Variants in GOLM2 observed in about 807,000 individuals in gnomAD.
The protein encoded by GOLM2 is golgi membrane protein 2, also known as protein GOLM2.
GOLM2 carries 26 observed loss-of-function variants against 55.9 expected under a neutral mutation model. The observed-to-expected ratio is 0.47, with a 90% CI of 0.34 to 0.65. The LOEUF is 0.65. Ranked by LOEUF, GOLM2 falls within the 30% of genes least tolerant of loss-of-function variation. GOLM2 has a pLI of 0.01. For synonymous variants in GOLM2, 165 were observed against 194.6 expected, an observed-to-expected ratio of 0.85 and a Z score of 1.27; for missense variants, 486 against 531.8, an observed-to-expected ratio of 0.91 and a Z score of 0.85.
intron 6 of GOLM2, among the ~76,000 whole-genome samples, chr15:44,366,189 T>C (rs1244946254): frequency 1.3e-5 from 2 of 148,956 alleles, no homozygotes; most frequent in African/African-American, 2.5e-5. Flanking sequence ...CCCAGCTACT[T>C]GGGAGACTGA....
chr15:44,310,709 A>C (rs1447344202), intron 1 of GOLM2, among the ~76,000 whole-genome samples: 1 of 151,126 alleles, frequency 6.6e-6, no homozygotes, highest in Non-Finnish European at 1.5e-5. Flanking sequence ...TGTCTCAATC[A>C]ATCAATCAGT....
chr15:44,342,756 C>T (rs904161938), intron 6 of GOLM2, among the ~76,000 whole-genome samples: 2 of 152,166 alleles, frequency 1.3e-5, no homozygotes, highest in African/African-American at 4.8e-5. Context: ...CATTTCATAT[C>T]TTTGTATCTG....
chr15:44,320,933 C>T (rs2078944185), intron 1 of GOLM2, among the ~76,000 whole-genome samples: 1 of 152,168 alleles, frequency 6.6e-6, no homozygotes, highest in Non-Finnish European at 1.5e-5. Flanking sequence ...ATACCATCTC[C>T]TCCATCTGAA....
At chr15:44,352,731 C>A (rs1250326847) in intron 6 of GOLM2, among the ~76,000 whole-genome samples, 2 of 151,952 alleles carry the variant, frequency 1.3e-5, no homozygotes, top group African/African-American at 4.8e-5. Context: ...CATGGTGAAA[C>A]CCCGTCTCTA....
intron 1 of GOLM2, among the ~76,000 whole-genome samples, chr15:44,290,323 C>G (rs1211867495): frequency 6.6e-6 from 1 of 152,174 alleles, no homozygotes; most frequent in East Asian, 1.9e-4. Context: ...CTATACACTT[C>G]TTTGGTAATC....
intron 1 of GOLM2, among the ~76,000 whole-genome samples, chr15:44,299,759 A>G (rs78785811): frequency 0.014 from 2,137 of 152,012 alleles, 48 homozygotes; most frequent in East Asian, 0.094. Flanking sequence ...AAAGCTTGAC[A>G]TTTAATAATA....
intron 9 of GOLM2, among the ~76,000 whole-genome samples, chr15:44,407,369 G>A (rs1159944718): frequency 6.6e-6 from 1 of 150,880 alleles, no homozygotes; most frequent in Admixed American, 6.6e-5. Flanking sequence ...GGGGTCAAGT[G>A]ATCCTCCCAC....
intron 6 of GOLM2, among the ~76,000 whole-genome samples, chr15:44,362,473 T>A (rs1034836974): frequency 6.0e-5 from 9 of 150,942 alleles, no homozygotes; most frequent in Non-Finnish European, 1.3e-4. Flanking sequence ...TACCTAGGAA[T>A]CCAACTTACA....
chr15:44,338,359 A>G, intron 6 of GOLM2, 42 bp downstream of exon 6: 1 of 1,420,224 alleles, frequency 7.0e-7, no homozygotes, highest in Non-Finnish European at 9.9e-7. Context: ...AGTGATGATA[A>G]TACATTTCAT....
At chr15:44,398,489 A>C (rs1384943878) in intron 8 of GOLM2, among the ~76,000 whole-genome samples, 2 of 152,016 alleles carry the variant, frequency 1.3e-5, no homozygotes, top group Admixed American at 1.3e-4. Context: ...CACAGTGCAT[A>C]GTGCAATACC....
chr15:44,337,887 A>C lies in GOLM2; in HGVS notation c.701A>C (p.Asn234Thr). The C allele has an allele frequency of 1.3e-6, 2 of 1,596,694 alleles. No individual in the cohort carries two copies. Among genetic ancestry groups the C allele is most frequent in the Non-Finnish European group, 1.7e-6 (2 of 1,176,036 alleles). The change falls in exon 5 of 10, where the codon AAT becomes ACT. Residue 234 changes from asparagine (N) to threonine (T), a missense_variant. Asn to Thr is a moderately conservative substitution (Grantham distance 65). Coordinates refer to ENST00000299957, the MANE Select transcript of GOLM2 (RefSeq NM_138423.4). ...VADKNEEPSS[N>T]HIPHGKEQIK... The stretch of plus-strand genomic sequence containing the variant: ...GATAAGAATGAAGAACCCTCAAGCA[A>C]TCATATTCCACATGGGAAAGGTATT...
intron 2 of GOLM2, among the ~76,000 whole-genome samples, chr15:44,325,939 A>G (rs2078977818): frequency 6.6e-6 from 1 of 152,160 alleles, no homozygotes; most frequent in African/African-American, 2.4e-5. Context: ...TAAATCAACC[A>G]TGTTTACATA....
In GOLM2 at chr15:44,335,080, T is replaced by C. The variant is rs187275656; in HGVS notation, c.577-2683T>C. 3.3e-5 allele frequency among the ~76,000 whole-genome samples: 5 copies of C among 152,182 alleles called. No homozygotes were observed. In the East Asian group the frequency reaches 9.6e-4, roughly 29 times the overall value. ...AATAAATGCAGTGTAGTATCCTGAA[T>C]TGGATCCTGAAACAGAAAAAGGACT... On this transcript the variant is annotated intron_variant, in intron 4 of 9. Transcript: ENST00000299957.
At chr15:44,405,453 A>G (rs960599194) in intron 9 of GOLM2, 1 of 152,214 alleles carries the variant, frequency 6.6e-6, no homozygotes, top group Non-Finnish European at 1.5e-5. Context: ...GCTCCAACAA[A>G]TAAAGAGGGA....
intron 9 of GOLM2, among the ~76,000 whole-genome samples, chr15:44,404,915 A>T (rs934569486): frequency 6.6e-6 from 1 of 152,126 alleles, no homozygotes; most frequent in Non-Finnish European, 1.5e-5. Flanking sequence ...CACTTTCAAT[A>T]TTCTCTAATT....
chr15:44,310,075 G>T (rs1012206245), intron 1 of GOLM2, among the ~76,000 whole-genome samples: 7 of 151,964 alleles, frequency 4.6e-5, no homozygotes, highest in African/African-American at 1.7e-4. Context: ...GTAGAGACTG[G>T]GTTTTGCAAT....
chr15:44,364,114 C>G (rs549653307), intron 6 of GOLM2, among the ~76,000 whole-genome samples: 1 of 151,952 alleles, frequency 6.6e-6, no homozygotes, highest in South Asian at 2.1e-4. Flanking sequence ...TAGTGGGTGC[C>G]GCGCACCAGC....
At chr15:44,405,532 G>C (rs1390043345) in intron 9 of GOLM2, 5 of 152,038 alleles carry the variant, frequency 3.3e-5, no homozygotes, top group South Asian at 2.1e-4. Flanking sequence ...TGTTTCCAGG[G>C]ATCCTTTTTT....
At chr15:44,347,836 A>G (rs1035860598) in intron 6 of GOLM2, among the ~76,000 whole-genome samples, 4 of 152,142 alleles carry the variant, frequency 2.6e-5, no homozygotes, top group Non-Finnish European at 5.9e-5. Flanking sequence ...GGAAGAGTAA[A>G]GAGGACTTCA....
Sources: allele counts gnomAD v4.1 joint callset (sites outside exome capture counted in the v4.1 genomes callset), GRCh38; gene constraint gnomAD v4.1.1; transcripts MANE v1.5; gene names NCBI Gene and HGNC (gene_info 2026-07-23, HGNC 2026-07-21).